The following PCSK5 variants were observed in gnomAD, a reference collection of about 807,000 sequenced individuals.
PCSK5 encodes proprotein convertase subtilisin/kexin type 5.
A neutral mutation model predicts 233.2 loss-of-function variants in PCSK5; 129 were observed. That is an observed-to-expected ratio of 0.55 (90% CI 0.48 to 0.64). The LOEUF is 0.64. Ranked by LOEUF, PCSK5 falls within the 30% of genes least tolerant of loss-of-function variation. PCSK5 has a pLI of 0.00. For missense variants in PCSK5, 2,076 were observed against 2,430.1 expected (o/e 0.85, Z 3.06); for synonymous variants, 825 against 879.2 (o/e 0.94, Z 1.09).
Position 76,110,948 on chromosome 9 carries a change from CAT to C in PCSK5, c.1208+3601_1208+3602del, listed in dbSNP as rs1832187259. On this transcript the variant is annotated intron_variant, in intron 9 of 37. Coordinates refer to ENST00000674117, the MANE Select transcript of PCSK5 (RefSeq NM_001372043.1). ...CTTGGCAAAACCCATCTCTACTAAA[CAT>C]ATAAAAATTAGCCAGGCGTGGTAGC... is the stretch of plus-strand genomic sequence containing the variant. Among the ~76,000 whole-genome samples the C allele has an allele frequency of 1.3e-5, 2 of 151,952 alleles. 1 individual carries two copies. Among genetic ancestry groups the C allele is most frequent in the South Asian group, 4.1e-4 (2 of 4,824 alleles).
intron 24 of PCSK5, among the ~76,000 whole-genome samples, chr9:76,254,963 C>A (rs1826935549): frequency 6.6e-6 from 1 of 152,138 alleles, no homozygotes; most frequent in Non-Finnish European, 1.5e-5. Context: ...TTTAATTAGT[C>A]TGGAGTGAGG....
intron 5 of PCSK5, among the ~76,000 whole-genome samples, chr9:76,064,743 C>A (rs531583418): frequency 2.0e-5 from 3 of 149,594 alleles, no homozygotes; most frequent in African/African-American, 7.4e-5. Flanking sequence ...GGGTCTCGGC[C>A]GGGCAGAGGC....
At chr9:76,319,993 T>C (rs1829144680) in intron 30 of PCSK5, among the ~76,000 whole-genome samples, 2 of 152,156 alleles carry the variant, frequency 1.3e-5, no homozygotes, top group African/African-American at 4.8e-5. Context: ...ACCTTGTCAA[T>C]CACTTAGAAG....
At chr9:76,009,470 T>C (rs371648825) in intron 3 of PCSK5, among the ~76,000 whole-genome samples, 1 of 151,670 alleles carries the variant, frequency 6.6e-6, no homozygotes, top group South Asian at 2.1e-4. Context: ...CTACTAAAAA[T>C]ACAAAAATTA....
At chr9:76,025,679 G>A (rs981413092) in intron 4 of PCSK5, among the ~76,000 whole-genome samples, 1 of 152,058 alleles carries the variant, frequency 6.6e-6, no homozygotes, top group Non-Finnish European at 1.5e-5. Flanking sequence ...TATCTTTGTG[G>A]TCTTAATCTC....
At chr9:76,229,759 C>T (rs1212194590) in intron 21 of PCSK5, among the ~76,000 whole-genome samples, 1 of 152,220 alleles carries the variant, frequency 6.6e-6, no homozygotes, top group Non-Finnish European at 1.5e-5. Context: ...ATGTCACACA[C>T]ACATCTGGGG....
intron 20 of PCSK5, among the ~76,000 whole-genome samples, chr9:76,220,547 A>AAG (rs548187018): frequency 6.9e-6 from 1 of 145,306 alleles, no homozygotes; most frequent in Non-Finnish European, 1.5e-5. Flanking sequence ...AAAAAAAAAA[A>AAG]TCACACTCAG....
chr9:76,105,739 A>G lies in PCSK5; in HGVS notation c.1108-1512A>G, dbSNP rs532890231. On this transcript the variant is annotated intron_variant, in intron 8 of 37. Transcript: ENST00000674117. ...AGGTTTGACTCCTTCCCCCACCACC[A>G]TATCTATGTAGTTCTATAGATCTTT... 5.9e-5 allele frequency among the ~76,000 whole-genome samples: 9 copies of G among 152,250 alleles called. No individual in the cohort carries two copies. The East Asian group carries it at 1.2e-3, about 20-fold the overall frequency.
At chr9:76,264,523 T>C (rs908568173) in intron 24 of PCSK5, among the ~76,000 whole-genome samples, 2 of 151,718 alleles carry the variant, frequency 1.3e-5, no homozygotes, top group Non-Finnish European at 3.0e-5. Flanking sequence ...AACAAACATC[T>C]GACAAAGGTT....
At chr9:76,057,837 T>A (rs1364603197) in intron 5 of PCSK5, among the ~76,000 whole-genome samples, 1 of 136,020 alleles carries the variant, frequency 7.4e-6, no homozygotes, top group Admixed American at 7.4e-5. Flanking sequence ...AGGGGCTTTT[T>A]TTTTTTTTTT....
At chr9:76,135,023 TTCCCA>T (rs772610561) in intron 10 of PCSK5, among the ~76,000 whole-genome samples, 2 of 152,038 alleles carry the variant, frequency 1.3e-5, no homozygotes, top group Non-Finnish European at 2.9e-5. Context: ...TTAAAACATA[TTCCCA>T]AATAATCTTA....
chr9:76,232,380 T>C (rs905136458), intron 21 of PCSK5, among the ~76,000 whole-genome samples: 1 of 152,248 alleles, frequency 6.6e-6, no homozygotes, highest in African/African-American at 2.4e-5. Context: ...TAACTTATTC[T>C]AAGGGAGCTG....
chr9:75,914,657 T>C lies in PCSK5; in HGVS notation c.193-17722T>C, dbSNP rs968643487. Reference sequence around the variant, plus strand: ...GTTCCAGTATCTTCAAGTTCTATTATGAAAGCAGCTCCTGAGAGTTGCTTC... The same window carrying C: ...GTTCCAGTATCTTCAAGTTCTATTACGAAAGCAGCTCCTGAGAGTTGCTTC... On this transcript the variant is annotated intron_variant, in intron 1 of 37. Coordinates refer to ENST00000674117, the MANE Select transcript of PCSK5 (RefSeq NM_001372043.1). Among the ~76,000 whole-genome samples, 13 of 152,192 alleles carry C rather than the reference T, an allele frequency of 8.5e-5. No individual in the cohort carries two copies. In the East Asian group the frequency reaches 1.2e-3, roughly 14 times the overall value.
At chr9:76,226,775 T>G (rs956096639) in intron 20 of PCSK5, among the ~76,000 whole-genome samples, 10 of 152,312 alleles carry the variant, frequency 6.6e-5, no homozygotes, top group African/African-American at 2.4e-4. Flanking sequence ...GGCCCATCTT[T>G]GAGTCTATGA....
At chr9:75,914,421 T>C (rs62555864) in intron 1 of PCSK5, among the ~76,000 whole-genome samples, 8,287 of 152,184 alleles carry the variant, frequency 0.054, 335 homozygotes, top group African/African-American at 0.1. Flanking sequence ...CTTCCAACAG[T>C]CCATGGCTTT....
At chr9:75,931,453 T>C (rs1823794084) in intron 1 of PCSK5, among the ~76,000 whole-genome samples, 1 of 152,084 alleles carries the variant, frequency 6.6e-6, no homozygotes, top group Admixed American at 6.6e-5. Flanking sequence ...TAGCCCAAAG[T>C]CCAATTTTAT....
rs575227170 is a variant in PCSK5, at chr9:76,000,917, C to CT, written c.411+14684dup. 3.4e-3 allele frequency among the ~76,000 whole-genome samples: 487 copies of CT among 142,458 alleles called. 6 individuals are homozygous for CT. The highest frequency in any genetic ancestry group is 0.011 in the African/African-American group (423 of 38,978). The allele number at this position is 142,458 out of a possible 152,430, so 93.5% of individuals were successfully genotyped here. On this transcript the variant is annotated intron_variant, in intron 3 of 37. Transcript: ENST00000674117. ...ACCTTTTCTCTGAGACCCTTTGTTC[C>CT]TTTTTTTTTTTTAAACTCATATTTA...
chr9:76,077,941 T>C (rs545229517), intron 7 of PCSK5, among the ~76,000 whole-genome samples: 66 of 152,340 alleles, frequency 4.3e-4, no homozygotes, highest in African/African-American at 1.6e-3. Flanking sequence ...AATTGCTAGG[T>C]TGAACGGTAG....
intron 22 of PCSK5, among the ~76,000 whole-genome samples, chr9:76,235,481 A>AT (rs71499140): frequency 3.5e-4 from 53 of 151,376 alleles, no homozygotes; most frequent in South Asian, 2.7e-3. Flanking sequence ...CATTTCTTCT[A>AT]TTTTTTTTTC....
Sources: allele counts gnomAD v4.1 joint callset (sites outside exome capture counted in the v4.1 genomes callset), GRCh38; gene constraint gnomAD v4.1.1; transcripts MANE v1.5; gene names NCBI Gene and HGNC (gene_info 2026-07-23, HGNC 2026-07-21).